The following CSF1R variants were observed in gnomAD, a reference collection of about 807,000 sequenced individuals.
CSF1R encodes the protein colony stimulating factor 1 receptor, also known as macrophage colony-stimulating factor 1 receptor.
In CSF1R, 40 loss-of-function variants were observed where a neutral mutation model predicts 110.0. The ratio of observed to expected loss-of-function variants is 0.36; its 90% CI spans 0.28 to 0.47. CSF1R has a LOEUF of 0.47. Ranked by LOEUF, CSF1R falls within the 20% of genes least tolerant of loss-of-function variation. CSF1R has a pLI of 0.99. For missense variants in CSF1R, 1,052 were observed against 1,253.0 expected (o/e 0.84, Z 2.42); for synonymous variants, 523 against 503.4 (o/e 1.04, Z -0.52).
In CSF1R at chr5:150,059,703, C is replaced by T. The variant is rs201569135; in HGVS notation, c.2129G>A (p.Arg710His). ...CTTGTCCTTTGCCAGGGGCTACCTG[C>T]GGACATATTTCTTCTCGAGGTGGAT... ...KNIHLEKKYVRRDSGFSSQGV... is the reference protein window; with the variant it reads ...KNIHLEKKYVHRDSGFSSQGV... Residue 710 changes from arginine to histidine, a missense_variant, in exon 14 of 21, where the codon CGC (arginine) becomes CAC (histidine). Physicochemically the swap from Arg to His is conservative, Grantham distance 29. This residue lies in a region of CSF1R where 124 missense variants were observed against 117.7 expected (regional missense o/e 1.05). Transcript: ENST00000675795. 1.3e-4 allele frequency: 207 copies of T among 1,613,556 alleles called. No homozygotes were observed. The highest frequency in any genetic ancestry group is 1.6e-4 in the Middle Eastern group (1 of 6,082).
intron 1 of CSF1R, among the ~76,000 whole-genome samples, chr5:150,104,222 G>C (rs978015894): frequency 6.6e-6 from 1 of 152,202 alleles, no homozygotes; most frequent in Non-Finnish European, 1.5e-5. Flanking sequence ...GGCTGGCAGA[G>C]ACCCCTCTCT....
chr5:150,092,818 C>T (rs1339307835), intron 1 of CSF1R, among the ~76,000 whole-genome samples: 1 of 152,122 alleles, frequency 6.6e-6, no homozygotes, highest in Non-Finnish European at 1.5e-5. Flanking sequence ...CACCTACATA[C>T]CTATGATAAA....
intron 10 of CSF1R, among the ~76,000 whole-genome samples, 157 bp downstream of exon 10, chr5:150,068,058 G>T (rs999596349): frequency 1.3e-5 from 2 of 152,140 alleles, no homozygotes; most frequent in Non-Finnish European, 2.9e-5. Context: ...AGGCCACCCA[G>T]CAGCTGACTC....
At chr5:150,084,392 A>AAAGG (rs1758723508) in intron 1 of CSF1R, among the ~76,000 whole-genome samples, 1 of 29,560 alleles carries the variant, frequency 3.4e-5, no homozygotes, top group Non-Finnish European at 6.9e-5. Context: ...AGAAAGAAAG[A>AAAGG]AGGAAGGAAG....
At chr5:150,077,793 A>G (rs1011527733) in intron 4 of CSF1R, among the ~76,000 whole-genome samples, 9 of 152,184 alleles carry the variant, frequency 5.9e-5, no homozygotes, top group Non-Finnish European at 1.2e-4. Context: ...TGGCCTAGGA[A>G]ACCCTTGCTA....
chr5:150,060,742 C>A, intron 13 of CSF1R, 120 bp downstream of exon 13: 1 of 633,000 alleles, frequency 1.6e-6, no homozygotes, highest in South Asian at 2.2e-5. Context: ...TGACCGGGAT[C>A]CCCCTGACAC....
chr5:150,087,878 G>A (rs148657070), upstream of CSF1R, among the ~76,000 whole-genome samples: 304 of 151,948 alleles, frequency 2.0e-3, 1 homozygote, highest in African/African-American at 6.9e-3. Context: ...GGACTACAGG[G>A]GCATGTGCCA....
intron 2 of CSF1R, 150 bp from the exon 3 acceptor site, chr5:150,080,486 G>A (rs1758486371): frequency 8.7e-7 from 1 of 1,154,422 alleles, no homozygotes; most frequent in Non-Finnish European, 1.2e-6. Context: ...CTTCAGCGTG[G>A]TGGCTCCAGA....
At chr5:150,063,370 A>G (rs1757619403) in intron 10 of CSF1R, among the ~76,000 whole-genome samples, 1 of 149,966 alleles carries the variant, frequency 6.7e-6, no homozygotes, top group South Asian at 2.1e-4. Flanking sequence ...TTTTTTTGAG[A>G]CAGAGTCTTG....
intron 12 of CSF1R, 32 bp downstream of exon 12, chr5:150,061,459 C>G (rs201032996): frequency 3.1e-6 from 3 of 966,726 alleles, no homozygotes; most frequent in African/African-American, 3.2e-5. Context: ...TACCACCCCC[C>G]ATCCCTTCCC....
chr5:150,076,785 T>A (rs568957804), intron 5 of CSF1R: 2 of 232,362 alleles, frequency 8.6e-6, no homozygotes, highest in African/African-American at 2.2e-5. Flanking sequence ...AGAAGCGCTG[T>A]TCCCCTTCCT....
intron 16 of CSF1R, among the ~76,000 whole-genome samples, chr5:150,056,779 G>T (rs914032799): frequency 1.3e-5 from 2 of 152,138 alleles, no homozygotes; most frequent in African/African-American, 4.8e-5. Context: ...TGTAGAAACT[G>T]AGGCACAGAA....
intron 1 of CSF1R, among the ~76,000 whole-genome samples, chr5:150,083,349 AACACACACACACACACACACACACACAC>A (rs59055324): frequency 3.4e-4 from 36 of 106,388 alleles, no homozygotes; most frequent in South Asian, 8.2e-4. Flanking sequence ...CTTCTCTCCC[AACACACACACACACACACACACACACAC>A]ACACACACAC....
chr5:150,073,163 A>T, intron 6 of CSF1R, 138 bp downstream of exon 6: 1 of 790,970 alleles, frequency 1.3e-6, no homozygotes, highest in Non-Finnish European at 2.0e-6. Context: ...AAGTCAGGGA[A>T]AGCGAAGCCC....
chr5:150,057,028 A>G (rs571183769), intron 16 of CSF1R, among the ~76,000 whole-genome samples: 1 of 152,230 alleles, frequency 6.6e-6, no homozygotes, highest in Admixed American at 6.5e-5. Context: ...TACACTATTT[A>G]GTAAAAACGA....
intron 1 of CSF1R, among the ~76,000 whole-genome samples, chr5:150,101,803 G>T (rs1050673220): frequency 6.6e-6 from 1 of 151,944 alleles, no homozygotes; most frequent in East Asian, 1.9e-4. Flanking sequence ...TTGTAAGAGT[G>T]TGTGTATACT....
chr5:150,057,642 C>T lies in CSF1R; in HGVS notation c.2133-50G>A, dbSNP rs374630808. 716 of 1,432,184 alleles carry T rather than the reference C, an allele frequency of 5.0e-4. 10 individuals are homozygous for T. In the South Asian group the frequency reaches 7.8e-3, roughly 16 times the overall value. The allele number at this position is 1,432,184 out of a possible 1,614,324, so 88.7% of individuals were successfully genotyped here. A position where few individuals can be genotyped will look rare whatever the true frequency, so the allele number is the denominator to read the frequency against. On this transcript the variant is annotated intron_variant, in intron 14 of 20. Transcript: ENST00000675795. ...GCAGAGGTCACTCATCATCACTGCA[C>T]TGCTCAGCTCAGGCCTTGACCACCC...
intron 1 of CSF1R, among the ~76,000 whole-genome samples, chr5:150,106,170 G>A (rs1759551433): frequency 6.6e-6 from 1 of 152,260 alleles, no homozygotes; most frequent in Admixed American, 6.5e-5. Flanking sequence ...AGCCCTGACT[G>A]AGGAAGCCTT....
rs752112146 is a variant in CSF1R, at chr5:150,080,302, C to A, written c.342G>T (p.Glu114Asp). 6.2e-7 allele frequency: 1 copy of A among 1,613,818 alleles called. No individual in the cohort carries two copies. Among genetic ancestry groups the A allele is most frequent in the Admixed American group, 1.7e-5 (1 of 60,032 alleles). ...PARPWNVLAQ[E>D]VVVFEDQDAL... Reference sequence around the variant, plus strand: ...CGTCCTGGTCCTCGAACACGACCACCTCCTGTGCTAGCACGTTCCAGGGCC... The same window carrying A: ...CGTCCTGGTCCTCGAACACGACCACATCCTGTGCTAGCACGTTCCAGGGCC... Residue 114 changes from glutamate (E) to aspartate (D), a missense_variant, in exon 3 of 21, where the codon GAG becomes GAT. By Grantham distance (45) the Glu-to-Asp change is conservative. This residue lies in a region of CSF1R where 693 missense variants were observed against 735.4 expected (regional missense o/e 0.94). Transcript: ENST00000675795.
Sources: gnomAD v4.1 joint callset for allele counts (sites outside exome capture counted in the v4.1 genomes callset) on GRCh38, gnomAD v4.1.1 for gene constraint, gnomAD v4.1.1 regional missense constraint, MANE v1.5 for transcripts, NCBI Gene and HGNC (gene_info 2026-07-23, HGNC 2026-07-21) for gene names.